The following SAXO1 variants were observed in gnomAD, a reference collection of about 807,000 sequenced individuals.
SAXO1 encodes the protein stabilizer of axonemal microtubules 1.
SAXO1 carries 21 observed loss-of-function variants against 17.5 expected under a neutral mutation model. That is an observed-to-expected ratio of 1.20 (90% confidence interval 0.85 to 1.72). The LOEUF is 1.72. SAXO1 is among the 40% of genes most tolerant of loss of function. The pLI is 0.00. For missense variants in SAXO1, 843 were observed against 596.0 expected, an observed-to-expected ratio of 1.41 and a Z score of -4.32; for synonymous variants, 274 against 216.5, an observed-to-expected ratio of 1.27 and a Z score of -2.33.
intron 1 of SAXO1, among the ~76,000 whole-genome samples, chr9:19,006,098 G>C (rs944843141): frequency 2.6e-5 from 4 of 152,254 alleles, no homozygotes; most frequent in Admixed American, 1.3e-4. Context: ...CATTTGGATG[G>C]TTATTATTTT....
At chr9:19,035,900 A>G (rs1265160961), upstream of SAXO1, among the ~76,000 whole-genome samples, 1 of 152,206 alleles carries the variant, frequency 6.6e-6, no homozygotes, top group South Asian at 2.1e-4. Flanking sequence ...GGGTGCTGTT[A>G]AAGGCATTCA....
intron 1 of SAXO1, among the ~76,000 whole-genome samples, chr9:18,962,086 A>C (rs1328452772): frequency 6.6e-6 from 1 of 151,906 alleles, no homozygotes; most frequent in Non-Finnish European, 1.5e-5. Context: ...TTCTTTCTTA[A>C]GATGGAGTTT....
intron 1 of SAXO1, among the ~76,000 whole-genome samples, chr9:19,046,103 A>G (rs1278026184): frequency 6.6e-6 from 1 of 150,566 alleles, no homozygotes; most frequent in Non-Finnish European, 1.5e-5. Flanking sequence ...AAAAAAAAAA[A>G]GGAGAACATA....
At chr9:18,945,628 A>G (rs1295959053) in intron 2 of SAXO1, among the ~76,000 whole-genome samples, 1 of 152,118 alleles carries the variant, frequency 6.6e-6, no homozygotes, top group Non-Finnish European at 1.5e-5. Flanking sequence ...TACCTTCACT[A>G]TAACAGATGG....
At chr9:19,047,888 C>G (rs902967953) in intron 1 of SAXO1, among the ~76,000 whole-genome samples, 1 of 152,152 alleles carries the variant, frequency 6.6e-6, no homozygotes, top group Non-Finnish European at 1.5e-5. Context: ...GAATACCCAA[C>G]TCGAAAGAAC....
At chr9:19,039,570 G>A (rs745632223) in intron 1 of SAXO1, among the ~76,000 whole-genome samples, 1 of 152,194 alleles carries the variant, frequency 6.6e-6, no homozygotes, top group East Asian at 1.9e-4. Flanking sequence ...TTTCTCATTT[G>A]AGAAATTTTA....
chr9:18,938,830 G>GTGTGTATGTGTA (rs1554667864), intron 3 of SAXO1, among the ~76,000 whole-genome samples: 1 of 147,766 alleles, frequency 6.8e-6, no homozygotes, highest in African/African-American at 2.5e-5. Context: ...GCGTGTGTGT[G>GTGTGTATGTGTA]TGTGTGTGTG....
In SAXO1 at chr9:19,027,494, AACATCC is replaced by A. The variant is rs1307292914; in HGVS notation, c.38+5371_38+5376del. The A allele has an allele frequency of 1.6e-5, 13 of 834,796 alleles. No homozygotes were observed. The South Asian group carries it at 1.6e-4, about 10-fold the overall frequency. The allele number at this position is 834,796 out of a possible 1,614,324, so 51.7% of individuals were successfully genotyped here. On this transcript the variant is annotated intron_variant, in intron 1 of 3. Transcript: ENST00000380534. Reference sequence around the variant, plus strand: ...GAGAAGTTTGAGAACTTGCGGATCCAACATCCAAAAGGGGTGCTGGCCCCCAGGGAC... The same window carrying A: ...GAGAAGTTTGAGAACTTGCGGATCCAAAAAGGGGTGCTGGCCCCCAGGGAC...
chr9:18,941,338 C>T (rs939146821), intron 3 of SAXO1, among the ~76,000 whole-genome samples: 11 of 152,176 alleles, frequency 7.2e-5, no homozygotes, highest in African/African-American at 9.6e-5. Flanking sequence ...ATCGATACTG[C>T]GTAAATGAAT....
intron 1 of SAXO1, among the ~76,000 whole-genome samples, chr9:18,965,226 T>C (rs1172014869): frequency 6.6e-6 from 1 of 152,244 alleles, no homozygotes; most frequent in Admixed American, 6.5e-5. Flanking sequence ...GAAGAATGTA[T>C]ATTCTGTTGA....
chr9:18,980,528 C>CGGGGGGGGG (rs1554675110), intron 1 of SAXO1, among the ~76,000 whole-genome samples: 1 of 81,788 alleles, frequency 1.2e-5, no homozygotes, highest in Non-Finnish European at 2.1e-5. Flanking sequence ...AAGGTAGTGG[C>CGGGGGGGGG]GGGGGGAGGG....
intron 1 of SAXO1, among the ~76,000 whole-genome samples, chr9:19,016,845 C>T (rs1441564030): frequency 2.2e-5 from 3 of 137,640 alleles, no homozygotes; most frequent in Admixed American, 7.4e-5. Flanking sequence ...TTTTGAGATA[C>T]CTTTCGTTTG....
rs112094757 is a variant in SAXO1 at position 18,968,937 on chromosome 9, G to C, written c.39-18000C>G. 1.5e-4 allele frequency among the ~76,000 whole-genome samples: 23 copies of C among 152,208 alleles called. 1 individual carries two copies. Among genetic ancestry groups the C allele is most frequent in the African/African-American group, 5.5e-4 (23 of 41,532 alleles). On this transcript the variant is annotated intron_variant, in intron 1 of 3. Transcript: ENST00000380534. Reference sequence around the variant, plus strand: ...AGAGAAGCATAATAAGGTAGGTAGGGGTAAAAAACATGGCTGGCTGGCATT... The same window carrying C: ...AGAGAAGCATAATAAGGTAGGTAGGCGTAAAAAACATGGCTGGCTGGCATT...
At chr9:18,952,271 T>A (rs1005142465) in intron 1 of SAXO1, among the ~76,000 whole-genome samples, 1 of 152,208 alleles carries the variant, frequency 6.6e-6, no homozygotes, top group Non-Finnish European at 1.5e-5. Flanking sequence ...CATAGCATTG[T>A]TTTCCCATTT....
chr9:19,003,849 C>T (rs1049940730), intron 1 of SAXO1, among the ~76,000 whole-genome samples: 1 of 152,148 alleles, frequency 6.6e-6, no homozygotes, highest in Middle Eastern at 3.2e-3. Flanking sequence ...GACTTCATGA[C>T]TAAAACACCA....
chr9:19,030,074 G>A (rs531464179), intron 1 of SAXO1, among the ~76,000 whole-genome samples: 1 of 152,180 alleles, frequency 6.6e-6, no homozygotes, highest in Non-Finnish European at 1.5e-5. Flanking sequence ...GTTTTTCTTT[G>A]ATGGGGAGCC....
At chr9:19,043,173 C>G (rs746286326) in intron 1 of SAXO1, among the ~76,000 whole-genome samples, 15 of 151,554 alleles carry the variant, frequency 9.9e-5, no homozygotes, top group East Asian at 1.9e-4. Flanking sequence ...CCCTGTCCCC[C>G]CAAAAAAGAA....
chr9:18,934,035 A>G (rs908132250), intron 3 of SAXO1, among the ~76,000 whole-genome samples: 1 of 151,814 alleles, frequency 6.6e-6, no homozygotes, highest in Non-Finnish European at 1.5e-5. Flanking sequence ...TGACAGAGCG[A>G]GACTCCGTCT....
intron 1 of SAXO1, among the ~76,000 whole-genome samples, chr9:18,968,001 G>C (rs1832794328): frequency 6.6e-6 from 1 of 152,174 alleles, no homozygotes; most frequent in Admixed American, 6.5e-5. Context: ...CTAAGTGAGG[G>C]AGTTCCCCAA....
Sources: allele counts gnomAD v4.1 joint callset (sites outside exome capture counted in the v4.1 genomes callset), GRCh38; gene constraint gnomAD v4.1.1; transcripts MANE v1.5; gene names NCBI Gene and HGNC (gene_info 2026-07-23, HGNC 2026-07-21).